FAF1: variants seen among roughly 807,000 people sequenced by gnomAD.
FAF1 encodes FAS-associated factor 1.
A neutral mutation model predicts 92.5 loss-of-function variants in FAF1; 25 were observed. That is an observed-to-expected ratio of 0.27 (90% CI 0.20 to 0.38). FAF1 has a LOEUF of 0.38. Ranked by LOEUF, FAF1 falls within the 10% of genes least tolerant of loss-of-function variation. The pLI, the probability that FAF1 is intolerant of heterozygous loss-of-function variation, is 1.00. For missense variants in FAF1, 636 were observed against 793.3 expected (o/e 0.80, Z 2.38); for synonymous variants, 234 against 273.2 (o/e 0.86, Z 1.42).
intron 6 of FAF1, among the ~76,000 whole-genome samples, chr1:50,717,082 G>A (rs977482508): frequency 2.6e-5 from 4 of 152,284 alleles, no homozygotes; most frequent in Middle Eastern, 3.4e-3. Flanking sequence ...TTTAAGAGCC[G>A]TAACACTCAC....
At chr1:50,907,489 G>A (rs755255050) in intron 1 of FAF1, among the ~76,000 whole-genome samples, 1 of 152,118 alleles carries the variant, frequency 6.6e-6, no homozygotes, top group Non-Finnish European at 1.5e-5. Context: ...GGTAGAATTC[G>A]GTTGTGAATC....
chr1:50,688,539 G>A (rs951152014), intron 7 of FAF1, among the ~76,000 whole-genome samples: 14 of 152,200 alleles, frequency 9.2e-5, no homozygotes, highest in Non-Finnish European at 1.9e-4. Context: ...CCGGCCAGGC[G>A]CGGTGGCTCA....
chr1:50,843,953 C>T (rs1456599634), intron 2 of FAF1, among the ~76,000 whole-genome samples: 1 of 152,154 alleles, frequency 6.6e-6, no homozygotes, highest in Non-Finnish European at 1.5e-5. Flanking sequence ...GAGGAACCTC[C>T]ATACTGTTTT....
intron 4 of FAF1, among the ~76,000 whole-genome samples, chr1:50,753,237 TGA>T (rs1271028332): frequency 1.3e-5 from 2 of 152,230 alleles, no homozygotes; most frequent in East Asian, 3.8e-4. Context: ...TGCCTTAGTT[TGA>T]ATTTTCTAGA....
At chr1:50,787,730 A>C (rs148268349) in intron 4 of FAF1, among the ~76,000 whole-genome samples, 4 of 152,332 alleles carry the variant, frequency 2.6e-5, no homozygotes, top group African/African-American at 9.6e-5. Flanking sequence ...TATTTTTTTA[A>C]AGCTCTTAGA....
chr1:50,821,045 C>T (rs1644039038), intron 2 of FAF1, among the ~76,000 whole-genome samples: 1 of 152,022 alleles, frequency 6.6e-6, no homozygotes, highest in African/African-American at 2.4e-5. Context: ...ATGGCAAGAA[C>T]CACAATTATT....
chr1:50,925,257 A>G (rs1644996077), intron 1 of FAF1, among the ~76,000 whole-genome samples: 1 of 152,202 alleles, frequency 6.6e-6, no homozygotes, highest in Non-Finnish European at 1.5e-5. Context: ...CAAAACTATA[A>G]AACTGCTGGG....
At chr1:50,860,190 T>G (rs531128497) in intron 1 of FAF1, among the ~76,000 whole-genome samples, 9 of 151,672 alleles carry the variant, frequency 5.9e-5, no homozygotes, top group African/African-American at 2.2e-4. Flanking sequence ...TGGACATCAA[T>G]CTTGGCAAAG....
In FAF1 at chr1:50,767,954, C is replaced by T. The variant is rs79886777; in HGVS notation, c.367+20046G>A. Among the ~76,000 whole-genome samples, 518 of 152,324 alleles carry T rather than the reference C, an allele frequency of 3.4e-3. 8 individuals are homozygous for T. The East Asian group carries it at 0.065, about 19-fold the overall frequency. On this transcript the variant is annotated intron_variant, in intron 4 of 18. Transcript: ENST00000396153. ...TCAAATCCACACCTATCAATATAAA[C>T]TTTGAATGTAAATGGGCTAAAAGCC...
In FAF1 at chr1:50,959,880, ACCGTCGCCGCCACCG is replaced by A; in HGVS notation, c.-84_-70del. ...TGGGAGGCAGACGGCACCTCCTGCG[ACCGTCGCCGCCACCG>A]CCGCCGCCGCCGCCGGGCGCCGAGG... On this transcript the variant is annotated 5_prime_UTR_variant, in exon 1 of 19. Transcript: ENST00000396153. The A allele has an allele frequency of 7.8e-6, 9 of 1,155,540 alleles. No homozygotes were observed. The highest frequency in any genetic ancestry group is 1.0e-5 in the Non-Finnish European group (9 of 891,020). 71.6% of individuals were successfully genotyped at this position (1,155,540 alleles called of 1,614,324 possible).
rs74080004 is a variant in FAF1, at chr1:50,551,166, G to A, written c.1269-11438C>T. ...GTATGTACAGAGATTATGAGATTAC[G>A]TATAGCTATTATGTCAATTTTTTAA... On this transcript the variant is annotated intron_variant, in intron 13 of 18. Transcript: ENST00000396153. Among the ~76,000 whole-genome samples the A allele has an allele frequency of 7.7e-3, 1,173 of 151,856 alleles. 13 individuals carry two copies. Among genetic ancestry groups the A allele is most frequent in the African/African-American group, 0.027 (1,130 of 41,392 alleles).
intron 13 of FAF1, among the ~76,000 whole-genome samples, chr1:50,542,277 T>TA (rs747247751): frequency 7.9e-5 from 12 of 152,204 alleles, no homozygotes; most frequent in Non-Finnish European, 1.6e-4. Context: ...TATGAAATTG[T>TA]AAAAATTCCT....
chr1:50,759,664 C>A (rs1373404084), intron 4 of FAF1, among the ~76,000 whole-genome samples: 2 of 152,098 alleles, frequency 1.3e-5, no homozygotes, highest in African/African-American at 4.8e-5. Context: ...TGCATATATA[C>A]CCAGTAATGG....
At chr1:50,795,509 A>G (rs1181349469) in intron 3 of FAF1, among the ~76,000 whole-genome samples, 1 of 152,196 alleles carries the variant, frequency 6.6e-6, no homozygotes, top group African/African-American at 2.4e-5. Context: ...ATGACTTACT[A>G]AAGATTCAGT....
At chr1:50,904,133 G>T (rs1644817295) in intron 1 of FAF1, among the ~76,000 whole-genome samples, 1 of 152,180 alleles carries the variant, frequency 6.6e-6, no homozygotes, top group Non-Finnish European at 1.5e-5. Flanking sequence ...AATGTCCATT[G>T]ATAGATGAAT....
chr1:50,621,383 CTTTTTTTCTTTTT>C (rs1653195433), intron 8 of FAF1, among the ~76,000 whole-genome samples: 1 of 110,734 alleles, frequency 9.0e-6, no homozygotes, highest in East Asian at 2.6e-4. Context: ...CCCGATCTTT[CTTTTTTTCTTTTT>C]TTTTTTTTTT....
chr1:50,664,073 C>T (rs1373425004), intron 7 of FAF1, among the ~76,000 whole-genome samples: 1 of 148,868 alleles, frequency 6.7e-6, no homozygotes, highest in African/African-American at 2.5e-5. Flanking sequence ...TCTTGGCTCA[C>T]TGCAACTTCT....
chr1:50,499,932 A>G (rs1646962745), intron 15 of FAF1, among the ~76,000 whole-genome samples: 1 of 152,214 alleles, frequency 6.6e-6, no homozygotes, highest in African/African-American at 2.4e-5. Context: ...CATAAAATAT[A>G]TGAAATACTT....
At chr1:50,838,763 G>C (rs1214657271) in intron 2 of FAF1, among the ~76,000 whole-genome samples, 2 of 151,906 alleles carry the variant, frequency 1.3e-5, no homozygotes, top group African/African-American at 4.8e-5. Context: ...CCTTAAATGT[G>C]ATAACTATAA....
Sources: gnomAD v4.1 joint callset for allele counts (sites outside exome capture counted in the v4.1 genomes callset) on GRCh38, gnomAD v4.1.1 for gene constraint, MANE v1.5 for transcripts, NCBI Gene and HGNC (gene_info 2026-07-23, HGNC 2026-07-21) for gene names.